Variants in SYN2 observed in about 807,000 individuals in gnomAD.
The protein encoded by SYN2 is synapsin-2.
A neutral mutation model predicts 50.9 loss-of-function variants in SYN2; 19 were observed. The ratio of observed to expected loss-of-function variants is 0.37; its 90% CI spans 0.26 to 0.55. SYN2 has a LOEUF of 0.55. Among genes scored for constraint, SYN2 ranks in the 20% least tolerant of loss-of-function variants. The pLI is 0.81. For synonymous variants in SYN2, 255 were observed against 224.9 expected (o/e 1.13, Z -1.20); for missense variants, 587 against 576.4 (o/e 1.02, Z -0.19).
intron 1 of SYN2, among the ~76,000 whole-genome samples, chr3:12,011,403 G>A (rs762753527): frequency 3.9e-5 from 6 of 152,170 alleles, no homozygotes; most frequent in African/African-American, 1.2e-4. Context: ...GCAGGAAGAC[G>A]TAGTTTTTAG....
At chr3:12,023,160 G>C (rs1694181526) in intron 1 of SYN2, among the ~76,000 whole-genome samples, 1 of 151,932 alleles carries the variant, frequency 6.6e-6, no homozygotes, top group Non-Finnish European at 1.5e-5. Context: ...CACTTAAAGT[G>C]GGTTATGAAA....
Position 12,167,294 on chromosome 3 carries a change from T to G in SYN2, c.1041T>G (p.Ile347Met), listed in dbSNP as rs1225545839. Reference protein sequence around the residue: ...TNTGSAMLEQIAMSDRYKLWV... With the variant: ...TNTGSAMLEQMAMSDRYKLWV... ...CTGGCTCTGCGATGCTGGAGCAGAT[T>G]GCCATGTCAGACAGGTGAGTTGAGA... The change falls in exon 8 of 13, where the codon ATT becomes ATG. Residue 347 changes from isoleucine to methionine, a missense_variant. Physicochemically the swap from Ile to Met is conservative, Grantham distance 10. Transcript: ENST00000621198. 6.2e-7 allele frequency: 1 copy of G among 1,612,564 alleles called. No homozygotes were observed. Among genetic ancestry groups the G allele is most frequent in the Admixed American group, 1.7e-5 (1 of 59,816 alleles).
chr3:12,174,004 C>T (rs1214945677), intron 10 of SYN2, among the ~76,000 whole-genome samples: 1 of 152,078 alleles, frequency 6.6e-6, no homozygotes, highest in Non-Finnish European at 1.5e-5. Flanking sequence ...CTGACTACTC[C>T]CTCCTCTAAA....
chr3:12,034,320 G>A (rs142442010), intron 1 of SYN2, among the ~76,000 whole-genome samples: 1 of 152,172 alleles, frequency 6.6e-6, no homozygotes, highest in African/African-American at 2.4e-5. Context: ...GTGCTTATTA[G>A]CTATTTGTGT....
chr3:12,096,890 G>A (rs1041588095), intron 1 of SYN2, among the ~76,000 whole-genome samples: 125 of 152,214 alleles, frequency 8.2e-4, no homozygotes, highest in African/African-American at 3.0e-3. Context: ...AGAGCCTCAA[G>A]GACCTGTAGA....
chr3:12,129,805 G>A (rs1696753424), intron 1 of SYN2, among the ~76,000 whole-genome samples: 1 of 152,106 alleles, frequency 6.6e-6, no homozygotes, highest in South Asian at 2.1e-4. Flanking sequence ...GAATGTTTGT[G>A]TCCCCCAAAT....
chr3:12,078,324 C>A (rs933108937), intron 1 of SYN2, among the ~76,000 whole-genome samples: 3 of 152,092 alleles, frequency 2.0e-5, no homozygotes, highest in Non-Finnish European at 4.4e-5. Context: ...TAATTATATC[C>A]CATTTGTCAA....
chr3:12,120,671 CT>C (rs754482152), intron 1 of SYN2, among the ~76,000 whole-genome samples: 3 of 152,310 alleles, frequency 2.0e-5, no homozygotes, highest in Non-Finnish European at 4.4e-5. Context: ...TCATTAGCTT[CT>C]GTTTTTCACA....
At chr3:12,064,925 GT>G (rs1490693319) in intron 1 of SYN2, among the ~76,000 whole-genome samples, 1 of 152,090 alleles carries the variant, frequency 6.6e-6, no homozygotes, top group African/African-American at 2.4e-5. Context: ...GTACACAGAT[GT>G]TCATAGCGTT....
At chr3:12,157,260 C>T in intron 5 of SYN2, 1 of 850,584 alleles carries the variant, frequency 1.2e-6, no homozygotes. Context: ...TCCAGTTCCA[C>T]TTCAGTATCT....
intron 1 of SYN2, among the ~76,000 whole-genome samples, chr3:12,067,603 C>A (rs1695241897): frequency 7.0e-6 from 1 of 142,924 alleles, no homozygotes; most frequent in South Asian, 2.2e-4. Flanking sequence ...TCCAGACTCT[C>A]TTATCTTAAC....
At chr3:12,067,860 A>T (rs2125166392) in intron 1 of SYN2, among the ~76,000 whole-genome samples, 1 of 152,324 alleles carries the variant, frequency 6.6e-6, no homozygotes, top group East Asian at 1.9e-4. Context: ...TAGGAGTTTG[A>T]TACCAGCATG....
intron 1 of SYN2, among the ~76,000 whole-genome samples, chr3:12,121,459 C>T (rs1170836552): frequency 1.3e-5 from 2 of 152,120 alleles, no homozygotes; most frequent in Non-Finnish European, 2.9e-5. Flanking sequence ...CACTAGACTA[C>T]AGACTCTGTG....
At chr3:12,170,713 AAG>A (rs1697918537) in intron 10 of SYN2, among the ~76,000 whole-genome samples, 1 of 152,252 alleles carries the variant, frequency 6.6e-6, no homozygotes, top group South Asian at 2.1e-4. Flanking sequence ...ATAGCTGTGT[AAG>A]TTTGCAGGGA....
chr3:12,122,694 A>T (rs1354005202), intron 1 of SYN2, among the ~76,000 whole-genome samples: 1 of 152,168 alleles, frequency 6.6e-6, no homozygotes, highest in Non-Finnish European at 1.5e-5. Flanking sequence ...CTTATACTAC[A>T]TGGATAATCT....
intron 4 of SYN2, among the ~76,000 whole-genome samples, chr3:12,147,515 A>G (rs1697179804): frequency 6.6e-6 from 1 of 152,114 alleles, no homozygotes; most frequent in African/African-American, 2.4e-5. Flanking sequence ...ACAGAAGAGC[A>G]TATGTGAGAC....
intron 1 of SYN2, among the ~76,000 whole-genome samples, chr3:12,082,262 A>G (rs1297187405): frequency 6.6e-6 from 1 of 152,196 alleles, no homozygotes; most frequent in Non-Finnish European, 1.5e-5. Context: ...CATTAGACTC[A>G]GTGCCCAAAC....
chr3:12,097,105 G>C, intron 1 of SYN2, among the ~76,000 whole-genome samples: 1 of 152,226 alleles, frequency 6.6e-6, no homozygotes, highest in Non-Finnish European at 1.5e-5. Context: ...GTGGAAGACA[G>C]TGTGGCGATT....
At chr3:12,109,449 T>A (rs1402473383) in intron 1 of SYN2, among the ~76,000 whole-genome samples, 1 of 152,208 alleles carries the variant, frequency 6.6e-6, no homozygotes, top group East Asian at 1.9e-4. Flanking sequence ...TTGAGAAAGT[T>A]TTTTTACCTT....
Sources: gnomAD v4.1 joint callset for allele counts (sites outside exome capture counted in the v4.1 genomes callset) on GRCh38, gnomAD v4.1.1 for gene constraint, MANE v1.5 for transcripts, NCBI Gene and HGNC (gene_info 2026-07-23, HGNC 2026-07-21) for gene names.